The following WARS2 variants were observed in gnomAD, a reference collection of about 807,000 sequenced individuals.
WARS2 encodes tryptophan--tRNA ligase, mitochondrial.
Under a neutral mutation model 36.5 loss-of-function variants are expected in WARS2, and 28 were observed. The observed-to-expected ratio is 0.77, with a 90% confidence interval of 0.57 to 1.05. The LOEUF is 1.05. WARS2 is among the 50% of genes least tolerant of loss of function. The probability of loss-of-function intolerance (pLI) is 0.00; values close to 1 mark genes in which losing one functional copy is unlikely to be tolerated. For synonymous variants in WARS2, 174 were observed against 178.4 expected, an observed-to-expected ratio of 0.98 and a Z score of 0.20; for missense variants, 435 against 456.8, an observed-to-expected ratio of 0.95 and a Z score of 0.44.
intron 1 of WARS2, among the ~76,000 whole-genome samples, chr1:119,092,935 C>T (rs766123155): frequency 2.8e-4 from 43 of 152,198 alleles, no homozygotes; most frequent in Non-Finnish European, 6.0e-4. Flanking sequence ...AATCATCTCA[C>T]CTGTGCTGTT....
intron 1 of WARS2, among the ~76,000 whole-genome samples, chr1:119,135,194 C>T (rs374318152): frequency 2.0e-5 from 3 of 152,270 alleles, no homozygotes; most frequent in East Asian, 3.9e-4. Context: ...CATATGTGGT[C>T]CTGATCAACA....
chr1:119,045,955 G>C (rs924697831), intron 2 of WARS2, among the ~76,000 whole-genome samples: 2 of 151,980 alleles, frequency 1.3e-5, no homozygotes, highest in South Asian at 2.1e-4. Flanking sequence ...ATGTCCTGAG[G>C]CATCTGTTCT....
intron 2 of WARS2, among the ~76,000 whole-genome samples, chr1:119,070,068 G>C (rs1651175201): frequency 6.6e-6 from 1 of 152,102 alleles, no homozygotes; most frequent in African/African-American, 2.4e-5. Context: ...TAATGAAAAA[G>C]TTCTATATGC....
intron 1 of WARS2, among the ~76,000 whole-genome samples, chr1:119,099,369 T>G (rs1653693305): frequency 6.6e-6 from 1 of 152,202 alleles, no homozygotes; most frequent in Non-Finnish European, 1.5e-5. Flanking sequence ...AAGAATGAAT[T>G]AAGAATCTCA....
chr1:119,102,837 G>A (rs2101464782), intron 1 of WARS2, among the ~76,000 whole-genome samples: 1 of 152,180 alleles, frequency 6.6e-6, no homozygotes, highest in Admixed American at 6.5e-5. Flanking sequence ...TTTTTGTCTT[G>A]CTGCTCTTCA....
intron 2 of WARS2, among the ~76,000 whole-genome samples, chr1:119,073,366 T>C (rs1054179965): frequency 2.6e-5 from 4 of 152,132 alleles, no homozygotes; most frequent in Admixed American, 1.3e-4. Flanking sequence ...GTAAGGTTGG[T>C]TGCCTGAGCC....
At position 119,031,633 on chromosome 1, in the gene WARS2, G is replaced by C. The variant is rs1418406293; in HGVS notation, c.*1278C>G. ...AAATCGATCTTGCTAACAGGTCTTG[G>C]TGTATAAGTTAGGATTATCATTTTC... On this transcript the variant is annotated 3_prime_UTR_variant, in exon 6 of 6. Coordinates refer to ENST00000235521, the MANE Select transcript of WARS2 (RefSeq NM_015836.4). 2 of 152,162 alleles carry C rather than the reference G, an allele frequency of 1.3e-5. No individual in the cohort carries two copies. Among genetic ancestry groups the C allele is most frequent in the Non-Finnish European group, 1.5e-5 (1 of 68,050 alleles). The allele number at this position is 152,162 out of a possible 1,614,324, so 9.4% of individuals were successfully genotyped here. A position where few individuals can be genotyped will look rare whatever the true frequency, so the allele number is the denominator to read the frequency against.
intron 1 of WARS2, among the ~76,000 whole-genome samples, chr1:119,115,120 T>A (rs6428794): frequency 0.37 from 56,398 of 152,000 alleles, 11,393 homozygotes; most frequent in East Asian, 0.79. Flanking sequence ...CAATTTTAAA[T>A]AATGTCAATA....
intron 2 of WARS2, among the ~76,000 whole-genome samples, chr1:119,070,925 G>A (rs1452806403): frequency 6.6e-6 from 1 of 152,092 alleles, no homozygotes; most frequent in Non-Finnish European, 1.5e-5. Flanking sequence ...GCTCATGCCT[G>A]TAATCCCAGC....
At chr1:119,086,169 A>G (rs1652646160) in intron 1 of WARS2, among the ~76,000 whole-genome samples, 1 of 152,162 alleles carries the variant, frequency 6.6e-6, no homozygotes, top group Non-Finnish European at 1.5e-5. Flanking sequence ...CTTCATAAGA[A>G]AATTCTAACA....
intron 1 of WARS2, among the ~76,000 whole-genome samples, chr1:119,138,507 G>C (rs1293890829): frequency 5.3e-5 from 8 of 152,020 alleles, no homozygotes; most frequent in Non-Finnish European, 1.2e-4. Flanking sequence ...GCTATAAAAG[G>C]AAACAAATAA....
chr1:119,106,630 T>G (rs1654261252), intron 1 of WARS2, among the ~76,000 whole-genome samples: 1 of 152,206 alleles, frequency 6.6e-6, no homozygotes, highest in Non-Finnish European at 1.5e-5. Context: ...TCCATATCTT[T>G]TCATAGCTTG....
At chr1:119,082,270 C>A (rs1652253358) in intron 1 of WARS2, 2 of 985,376 alleles carry the variant, frequency 2.0e-6, no homozygotes, top group East Asian at 1.1e-4. Flanking sequence ...TATTCCCCCA[C>A]AGGCTTATTT....
At chr1:119,034,549 C>G (rs540809538) in intron 4 of WARS2, among the ~76,000 whole-genome samples, 1 of 152,222 alleles carries the variant, frequency 6.6e-6, no homozygotes, top group South Asian at 2.1e-4. Flanking sequence ...ATTCCCTCAC[C>G]CAGTCAGCAC....
At chr1:119,083,429 G>A (rs1652371476) in intron 1 of WARS2, among the ~76,000 whole-genome samples, 1 of 152,140 alleles carries the variant, frequency 6.6e-6, no homozygotes, top group Non-Finnish European at 1.5e-5. Context: ...CTCCAGAACT[G>A]TAAGAAATAA....
chr1:119,118,810 A>C (rs1380900347), intron 1 of WARS2, among the ~76,000 whole-genome samples: 1 of 152,204 alleles, frequency 6.6e-6, no homozygotes, highest in Non-Finnish European at 1.5e-5. Context: ...ATCAGCCAAG[A>C]ATTTTACATC....
chr1:119,133,587 G>A (rs1175855544), intron 1 of WARS2, among the ~76,000 whole-genome samples: 1 of 152,190 alleles, frequency 6.6e-6, no homozygotes, highest in Non-Finnish European at 1.5e-5. Flanking sequence ...AGGATTAAAT[G>A]AGTTAATGAA....
rs138426501 is a variant in WARS2 at position 119,099,208 on chromosome 1, C to T, written c.91-22601G>A. Among the ~76,000 whole-genome samples the T allele has an allele frequency of 1.7e-4, 26 of 152,214 alleles. No homozygotes were observed. The East Asian group carries it at 3.9e-3, about 23-fold the overall frequency. ...CTGGAAGACAGCACTGCACATACCC[C>T]ACGAGACACCCAAGAGCACTCCTAA... On this transcript the variant is annotated intron_variant, in intron 1 of 5. Transcript: ENST00000235521.
intron 3 of WARS2, among the ~76,000 whole-genome samples, chr1:119,042,697 G>A (rs755955448): frequency 6.6e-6 from 1 of 152,112 alleles, no homozygotes; most frequent in Non-Finnish European, 1.5e-5. Flanking sequence ...AAACCGTCAT[G>A]AAATTAAATC....
Sources: allele counts gnomAD v4.1 joint callset (sites outside exome capture counted in the v4.1 genomes callset), GRCh38; gene constraint gnomAD v4.1.1; transcripts MANE v1.5; gene names NCBI Gene and HGNC (gene_info 2026-07-23, HGNC 2026-07-21).